Variants in LCORL observed in about 807,000 individuals in gnomAD.
LCORL encodes ligand-dependent nuclear receptor corepressor-like protein.
LCORL carries 41 observed loss-of-function variants against 141.8 expected under a neutral mutation model. The observed-to-expected ratio is 0.29, with a 90% CI of 0.23 to 0.38. LCORL has a LOEUF of 0.38. Ranked by LOEUF, LCORL falls within the 10% of genes least tolerant of loss-of-function variation. The pLI, the probability that LCORL is intolerant of heterozygous loss-of-function variation, is 1.00. For missense variants in LCORL, 1,759 were observed against 2,035.0 expected, an observed-to-expected ratio of 0.86 and a Z score of 2.61; for synonymous variants, 618 against 694.1, an observed-to-expected ratio of 0.89 and a Z score of 1.72.
chr4:17,843,354 C>T (rs547506694), exon 8 of LCORL: 10 of 1,611,976 alleles, frequency 6.2e-6, no homozygotes, highest in Middle Eastern at 3.3e-4. Flanking sequence ...ACTACCAAGA[C>T]GAGCCAAAAC....
chr4:17,945,406 T>C (rs962167284), intron 4 of LCORL, among the ~76,000 whole-genome samples: 4 of 148,302 alleles, frequency 2.7e-5, no homozygotes, highest in African/African-American at 1.1e-4. Flanking sequence ...GGCTTATAAA[T>C]TGGGGTTTTT....
At chr4:17,953,112 T>C (rs1010599157) in intron 4 of LCORL, among the ~76,000 whole-genome samples, 5 of 152,232 alleles carry the variant, frequency 3.3e-5, no homozygotes, top group Admixed American at 1.3e-4. Context: ...TCCTATGGTA[T>C]ATATGCACCA....
chr4:17,960,921 A>G (rs975638146), intron 4 of LCORL, among the ~76,000 whole-genome samples: 1 of 152,158 alleles, frequency 6.6e-6, no homozygotes, highest in Non-Finnish European at 1.5e-5. Context: ...GACTCTTCTA[A>G]TAAGAGGATT....
At chr4:17,953,695 ATTTCT>A (rs1320474048) in intron 4 of LCORL, among the ~76,000 whole-genome samples, 2 of 152,176 alleles carry the variant, frequency 1.3e-5, no homozygotes, top group African/African-American at 4.8e-5. Flanking sequence ...TTCTGAAAAC[ATTTCT>A]TTTCTAAAAG....
chr4:17,940,150 A>G (rs1737656739), intron 4 of LCORL, among the ~76,000 whole-genome samples: 2 of 132,158 alleles, frequency 1.5e-5, no homozygotes, highest in Admixed American at 1.6e-4. Context: ...ATATATGTAT[A>G]TATGTATATA....
At chr4:17,862,058 C>T (rs1725075167) in intron 7 of LCORL, among the ~76,000 whole-genome samples, 1 of 152,208 alleles carries the variant, frequency 6.6e-6, no homozygotes, top group Non-Finnish European at 1.5e-5. Context: ...CAACCTCTGC[C>T]TGTTACCCAG....
At chr4:17,877,610 C>A in exon 7 of LCORL, 1 of 1,230,616 alleles carries the variant, frequency 8.1e-7, no homozygotes, top group African/African-American at 1.6e-5. Flanking sequence ...AGGCTGAAAT[C>A]TCTGAGATGA....
At chr4:18,018,497 A>T (rs1724979694) in intron 1 of LCORL, among the ~76,000 whole-genome samples, 1 of 152,210 alleles carries the variant, frequency 6.6e-6, no homozygotes, top group Non-Finnish European at 1.5e-5. Flanking sequence ...CAGTAGTTAA[A>T]AATCTAACAT....
chr4:17,886,297 G>A (rs149654021), intron 5 of LCORL, 136 bp from the exon 6 acceptor site: 91 of 589,888 alleles, frequency 1.5e-4, no homozygotes, highest in Non-Finnish European at 2.6e-4. Flanking sequence ...CATCTTAAAC[G>A]GGTTTAGGAA....
chr4:18,016,376 A>C (rs1317508176), intron 1 of LCORL, among the ~76,000 whole-genome samples: 1 of 152,188 alleles, frequency 6.6e-6, no homozygotes, highest in Non-Finnish European at 1.5e-5. Flanking sequence ...TAGAACCTTT[A>C]TGTTTATTTG....
intron 7 of LCORL, among the ~76,000 whole-genome samples, chr4:17,857,437 C>T (rs1401414652): frequency 1.3e-5 from 2 of 152,112 alleles, no homozygotes; most frequent in Non-Finnish European, 2.9e-5. Flanking sequence ...TATAATTGAC[C>T]TTCTGACACA....
intron 4 of LCORL, among the ~76,000 whole-genome samples, chr4:17,948,307 T>C (rs1335119736): frequency 1.3e-5 from 2 of 151,884 alleles, no homozygotes; most frequent in Admixed American, 1.3e-4. Context: ...GGCCACAGAG[T>C]AGGGTTTTAA....
At chr4:18,007,629 AATT>A (rs1246453640) in intron 1 of LCORL, among the ~76,000 whole-genome samples, 2 of 152,194 alleles carry the variant, frequency 1.3e-5, no homozygotes. Context: ...TACTGAAAAA[AATT>A]ATGAGGAAGA....
rs193163350 is a variant in LCORL, at chr4:17,926,644, T to C, written c.431-17299A>G. Among the ~76,000 whole-genome samples the C allele has an allele frequency of 2.6e-5, 4 of 152,350 alleles. No individual in the cohort carries two copies. The East Asian group carries it at 5.8e-4, about 22-fold the overall frequency. On this transcript the variant is annotated intron_variant, in intron 4 of 7. Coordinates refer to ENST00000635767, the Ensembl canonical transcript of LCORL. ...GCTCCTCAGCTTGCAGACAGCCTAT[T>C]ATGGGACTTCACCTTGTGATCATGT...
At chr4:17,996,010 A>G (rs941530554) in intron 1 of LCORL, among the ~76,000 whole-genome samples, 14 of 152,100 alleles carry the variant, frequency 9.2e-5, no homozygotes, top group African/African-American at 1.9e-4. Flanking sequence ...AGTAAAACAG[A>G]TATGTTCCAG....
chr4:17,885,535 C>T (rs758874134), intron 6 of LCORL, among the ~76,000 whole-genome samples: 1 of 151,624 alleles, frequency 6.6e-6, no homozygotes, highest in Non-Finnish European at 1.5e-5. Context: ...TCCAACAGAA[C>T]AGCATTTCAC....
At chr4:17,874,380 C>A (rs1726698607) in exon 7 of LCORL, 1 of 1,233,834 alleles carries the variant, frequency 8.1e-7, no homozygotes, top group Non-Finnish European at 1.0e-6. Context: ...TAATTTGATT[C>A]CCCTGGTATT....
At chr4:17,917,097 C>A (rs1733563000) in intron 4 of LCORL, among the ~76,000 whole-genome samples, 1 of 152,162 alleles carries the variant, frequency 6.6e-6, no homozygotes, top group Non-Finnish European at 1.5e-5. Flanking sequence ...GCCTCAGCCT[C>A]CTGAGTAGCT....
chr4:17,975,108 T>C (rs1428274357), intron 1 of LCORL, among the ~76,000 whole-genome samples: 2 of 152,088 alleles, frequency 1.3e-5, no homozygotes, highest in African/African-American at 2.4e-5. Flanking sequence ...ATCCTTCTAA[T>C]TATTTTTTAT....
Sources: allele counts gnomAD v4.1 joint callset (sites outside exome capture counted in the v4.1 genomes callset), GRCh38; gene constraint gnomAD v4.1.1; transcripts MANE v1.5; gene names NCBI Gene and HGNC (gene_info 2026-07-23, HGNC 2026-07-21).